Variants in ITFG1 observed in about 807,000 individuals in gnomAD.
ITFG1 encodes the protein integrin alpha FG-GAP repeat containing 1, also known as T-cell immunomodulatory protein.
ITFG1 carries 34 observed loss-of-function variants against 81.8 expected under a neutral mutation model. The ratio of observed to expected loss-of-function variants is 0.42; its 90% CI spans 0.32 to 0.55. ITFG1 has a LOEUF of 0.55. Ranked by LOEUF, ITFG1 falls within the 20% of genes least tolerant of loss-of-function variation. ITFG1 has a pLI of 0.17. For missense variants in ITFG1, 672 were observed against 755.4 expected (o/e 0.89, Z 1.29); for synonymous variants, 285 against 270.6 (o/e 1.05, Z -0.52).
chr16:47,328,871 CAAG>C (rs1408828459), intron 8 of ITFG1, among the ~76,000 whole-genome samples: 1 of 152,028 alleles, frequency 6.6e-6, no homozygotes, highest in Non-Finnish European at 1.5e-5. Context: ...TAAAAATAAG[CAAG>C]AAACTGAAAT....
chr16:47,365,116 T>C (rs1968159306), intron 8 of ITFG1, among the ~76,000 whole-genome samples: 2 of 152,348 alleles, frequency 1.3e-5, no homozygotes, highest in South Asian at 4.1e-4. Context: ...TATCTGAACA[T>C]GGTGATGTCT....
intron 8 of ITFG1, among the ~76,000 whole-genome samples, chr16:47,354,588 A>C (rs1332551416): frequency 6.6e-6 from 1 of 152,172 alleles, no homozygotes; most frequent in Non-Finnish European, 1.5e-5. Flanking sequence ...CTGCACATCA[A>C]AGGAAACAAG....
intron 14 of ITFG1, among the ~76,000 whole-genome samples, chr16:47,198,021 T>A (rs1397011149): frequency 6.6e-6 from 1 of 152,216 alleles, no homozygotes; most frequent in Non-Finnish European, 1.5e-5. Flanking sequence ...GATTACATTG[T>A]GGTAGGTAGT....
At chr16:47,305,732 T>G (rs1485108928) in intron 10 of ITFG1, among the ~76,000 whole-genome samples, 1 of 152,176 alleles carries the variant, frequency 6.6e-6, no homozygotes, top group Admixed American at 6.5e-5. Context: ...TTTTTAAGGA[T>G]ATGAAGTAAA....
chr16:47,350,988 AG>A, intron 8 of ITFG1, among the ~76,000 whole-genome samples: 1 of 152,332 alleles, frequency 6.6e-6, no homozygotes, highest in South Asian at 2.1e-4. Context: ...GATGCAGAAA[AG>A]GCCTTTGACA....
At chr16:47,287,330 C>G (rs1040743467) in intron 10 of ITFG1, among the ~76,000 whole-genome samples, 1 of 152,162 alleles carries the variant, frequency 6.6e-6, no homozygotes, top group Non-Finnish European at 1.5e-5. Context: ...GATTCTCATG[C>G]CCTGGCCTCC....
rs1413835936 is a variant in ITFG1 at position 47,266,037 on chromosome 16, A to G, written c.1071-5342T>C. 3.3e-5 allele frequency among the ~76,000 whole-genome samples: 5 copies of G among 152,218 alleles called. No homozygotes were observed. In the East Asian group the frequency reaches 9.6e-4, roughly 29 times the overall value. Reference sequence around the variant, plus strand: ...TAATAACAAAAGACAACCTAATTTAAAAAATGAACTAAGTAGCTGAACAGA... The same window carrying G: ...TAATAACAAAAGACAACCTAATTTAGAAAATGAACTAAGTAGCTGAACAGA... On this transcript the variant is annotated intron_variant, in intron 10 of 17. Coordinates refer to ENST00000320640, the MANE Select transcript of ITFG1 (RefSeq NM_030790.5).
chr16:47,294,893 T>C (rs1443732946), intron 10 of ITFG1, among the ~76,000 whole-genome samples: 2 of 152,148 alleles, frequency 1.3e-5, no homozygotes, highest in African/African-American at 4.8e-5. Context: ...ACGTCCGGTA[T>C]TATTTAGAAT....
chr16:47,372,157 C>T (rs1391612296), intron 7 of ITFG1, among the ~76,000 whole-genome samples: 1 of 152,152 alleles, frequency 6.6e-6, no homozygotes, highest in East Asian at 1.9e-4. Context: ...TTCACTCTTC[C>T]TCCACGACAC....
chr16:47,283,722 A>G (rs1408817796), intron 10 of ITFG1, among the ~76,000 whole-genome samples: 1 of 152,226 alleles, frequency 6.6e-6, no homozygotes, highest in Non-Finnish European at 1.5e-5. Flanking sequence ...TGACTTCAGA[A>G]TATAATAAAT....
At chr16:47,406,212 T>A (rs1342662149) in intron 6 of ITFG1, among the ~76,000 whole-genome samples, 1 of 152,224 alleles carries the variant, frequency 6.6e-6, no homozygotes, top group Non-Finnish European at 1.5e-5. Context: ...GATAACCTTA[T>A]GATATCTTAA....
intron 5 of ITFG1, among the ~76,000 whole-genome samples, chr16:47,444,589 C>T (rs548182796): frequency 2.6e-5 from 4 of 152,044 alleles, no homozygotes; most frequent in African/African-American, 7.2e-5. Context: ...TAACAGGATA[C>T]AGAAAATAGT....
chr16:47,376,964 CAAAAAA>C (rs1222007051), intron 6 of ITFG1, among the ~76,000 whole-genome samples: 1 of 18,076 alleles, frequency 5.5e-5, no homozygotes, highest in Non-Finnish European at 1.4e-4. Flanking sequence ...TCTGTCTCCC[CAAAAAA>C]AAAAAAAAAA....
At chr16:47,446,752 A>G (rs1969329194) in intron 5 of ITFG1, among the ~76,000 whole-genome samples, 1 of 152,162 alleles carries the variant, frequency 6.6e-6, no homozygotes. Context: ...GACTTAATCT[A>G]TATTTTCAGA....
At position 47,311,424 on chromosome 16, in the gene ITFG1, G is replaced by C. The variant is rs767575105; in HGVS notation, c.898-12C>G. On this transcript the variant is annotated splice_polypyrimidine_tract_variant and intron_variant, in intron 9 of 17. Coordinates refer to ENST00000320640, the MANE Select transcript of ITFG1 (RefSeq NM_030790.5). ...AGGACTGGAACCCACTATGGATTAA[G>C]AGAAAAAGATCAGACTTTATAGTTA... 6.3e-7 allele frequency: 1 copy of C among 1,581,160 alleles called. No homozygotes were observed. The highest frequency in any genetic ancestry group is 1.9e-5 in the Admixed American group (1 of 53,976).
At chr16:47,221,635 C>G (rs1488801149) in intron 13 of ITFG1, among the ~76,000 whole-genome samples, 1 of 152,102 alleles carries the variant, frequency 6.6e-6, no homozygotes. Flanking sequence ...TTTCTATTGA[C>G]TAGAATACTT....
intron 6 of ITFG1, among the ~76,000 whole-genome samples, chr16:47,414,187 A>AT (rs1343103443): frequency 6.6e-6 from 1 of 152,090 alleles, no homozygotes; most frequent in Non-Finnish European, 1.5e-5. Flanking sequence ...AAATACATAA[A>AT]TGCCCACCAA....
rs922991899 is a variant in ITFG1 at position 47,428,741 on chromosome 16, A to G, written c.655+63T>C. 4.3e-6 allele frequency: 4 copies of G among 940,290 alleles called. No individual in the cohort carries two copies. In the East Asian group the frequency reaches 7.2e-5, roughly 17 times the overall value. The allele number at this position is 940,290 out of a possible 1,614,324, so 58.2% of individuals were successfully genotyped here. ...ATTAGCAATTAAATACAAAGTGTAC[A>G]GTAAATAAAATCCCATACTTCTTTG... On this transcript the variant is annotated intron_variant, in intron 6 of 17. Coordinates refer to ENST00000320640, the MANE Select transcript of ITFG1 (RefSeq NM_030790.5).
intron 6 of ITFG1, among the ~76,000 whole-genome samples, chr16:47,394,623 A>G (rs1968571971): frequency 6.6e-6 from 1 of 152,134 alleles, no homozygotes; most frequent in Non-Finnish European, 1.5e-5. Flanking sequence ...GGTGCTTCCA[A>G]AAATCTAAAT....
Sources: gnomAD v4.1 joint callset for allele counts (sites outside exome capture counted in the v4.1 genomes callset) on GRCh38, gnomAD v4.1.1 for gene constraint, MANE v1.5 for transcripts, NCBI Gene and HGNC (gene_info 2026-07-23, HGNC 2026-07-21) for gene names.